The following GPC6 variants were observed in gnomAD, a reference collection of about 807,000 sequenced individuals.
GPC6 encodes glypican 6.
GPC6 carries 14 observed loss-of-function variants against 55.2 expected under a neutral mutation model. The observed-to-expected ratio is 0.25, with a 90% CI of 0.17 to 0.40. The LOEUF is 0.40. Ranked by LOEUF, GPC6 falls within the 10% of genes least tolerant of loss-of-function variation. GPC6 has a pLI of 1.00. For missense variants in GPC6, 641 were observed against 708.5 expected (o/e 0.90, Z 1.08); for synonymous variants, 278 against 259.6 (o/e 1.07, Z -0.68).
At chr13:94,034,248 G>GGAAGGAAGGAAGGAAGGAAGGAAGGAAA (rs1371545784) in intron 4 of GPC6, among the ~76,000 whole-genome samples, 18 of 92,756 alleles carry the variant, frequency 1.9e-4, no homozygotes, top group African/African-American at 4.9e-4. Flanking sequence ...AAGGAAGGAA[G>GGAAGGAAGGAAGGAAGGAAGGAAGGAAA]GAAAGAAAGA....
At chr13:93,225,420 CTG>C (rs550762570), upstream of GPC6, among the ~76,000 whole-genome samples, 5 of 152,082 alleles carry the variant, frequency 3.3e-5, no homozygotes, top group Non-Finnish European at 7.4e-5. Flanking sequence ...AAGCAAAAAA[CTG>C]TGCTAAAATT....
intron 1 of GPC6, among the ~76,000 whole-genome samples, chr13:93,450,999 A>G (rs566774707): frequency 2.0e-5 from 3 of 152,350 alleles, no homozygotes; most frequent in East Asian, 1.9e-4. Flanking sequence ...ATGGTGGTCT[A>G]TAACAGGATA....
At chr13:94,285,704 T>C (rs1443263121) in intron 4 of GPC6, among the ~76,000 whole-genome samples, 2 of 152,216 alleles carry the variant, frequency 1.3e-5, no homozygotes, top group African/African-American at 4.8e-5. Context: ...ACTGAGTTCA[T>C]TTCAGTTCAG....
At chr13:93,780,594 TACACACACAC>T (rs35134947) in intron 2 of GPC6, among the ~76,000 whole-genome samples, 6 of 143,930 alleles carry the variant, frequency 4.2e-5, no homozygotes, top group East Asian at 4.1e-4. Flanking sequence ...ATCACAAAAA[TACACACACAC>T]ACACACACAC....
chr13:94,114,096 C>CAAAAAAA (rs10581935), intron 4 of GPC6, among the ~76,000 whole-genome samples: 1 of 34,366 alleles, frequency 2.9e-5, no homozygotes, highest in African/African-American at 1.1e-4. Flanking sequence ...TTAGCTTTAT[C>CAAAAAAA]AAAAAAAAAA....
intron 4 of GPC6, among the ~76,000 whole-genome samples, chr13:94,076,988 T>C (rs1201457061): frequency 6.7e-6 from 1 of 150,140 alleles, no homozygotes; most frequent in Non-Finnish European, 1.5e-5. Context: ...TGTGGCTTTA[T>C]ATGAATTTTA....
intron 4 of GPC6, among the ~76,000 whole-genome samples, chr13:94,137,480 C>G (rs531799173): frequency 1.3e-5 from 2 of 152,252 alleles, no homozygotes; most frequent in South Asian, 4.1e-4. Flanking sequence ...AGGGTCTGAG[C>G]TGAGCCTTAA....
intron 4 of GPC6, among the ~76,000 whole-genome samples, chr13:94,209,967 C>G (rs1890027280): frequency 6.6e-6 from 1 of 152,066 alleles, no homozygotes; most frequent in Non-Finnish European, 1.5e-5. Flanking sequence ...CCCACCTCAG[C>G]CTCCTGAGTA....
At chr13:93,362,676 T>C (rs756618489) in intron 1 of GPC6, among the ~76,000 whole-genome samples, 2 of 140,014 alleles carry the variant, frequency 1.4e-5, no homozygotes, top group Non-Finnish European at 3.0e-5. Context: ...GACTTACTGA[T>C]AATAAAAAAA....
intron 6 of GPC6, among the ~76,000 whole-genome samples, chr13:94,328,368 C>G (rs962833373): frequency 1.3e-5 from 2 of 152,234 alleles, no homozygotes; most frequent in African/African-American, 2.4e-5. Context: ...AATGACTACT[C>G]TTAATTAGAC....
chr13:94,269,686 C>A (rs1225765251), intron 4 of GPC6, among the ~76,000 whole-genome samples: 1 of 152,072 alleles, frequency 6.6e-6, no homozygotes, highest in African/African-American at 2.4e-5. Flanking sequence ...ACTTTTGTCC[C>A]CAACCTGAGC....
intron 2 of GPC6, among the ~76,000 whole-genome samples, chr13:93,581,098 A>G (rs980620174): frequency 1.3e-5 from 2 of 152,212 alleles, no homozygotes; most frequent in Non-Finnish European, 2.9e-5. Context: ...TCACTTCTAA[A>G]AGACATTTTG....
chr13:93,412,151 T>G (rs1190383376), intron 1 of GPC6, among the ~76,000 whole-genome samples: 1 of 152,152 alleles, frequency 6.6e-6, no homozygotes, highest in African/African-American at 2.4e-5. Flanking sequence ...AAATAATAAG[T>G]GGAGAGGACT....
At chr13:93,350,461 A>G (rs1880594599) in intron 1 of GPC6, among the ~76,000 whole-genome samples, 1 of 152,140 alleles carries the variant, frequency 6.6e-6, no homozygotes, top group African/African-American at 2.4e-5. Context: ...AAATTCTTAA[A>G]TGTCTTAGTA....
chr13:93,431,751 C>A (rs17189012), intron 1 of GPC6, among the ~76,000 whole-genome samples: 1 of 151,852 alleles, frequency 6.6e-6, no homozygotes, highest in South Asian at 2.1e-4. Context: ...AAATTTGGCA[C>A]GCAGAAAAAG....
At chr13:94,333,301 C>G (rs1347067634) in intron 6 of GPC6, among the ~76,000 whole-genome samples, 6 of 152,348 alleles carry the variant, frequency 3.9e-5, no homozygotes, top group African/African-American at 9.6e-5. Flanking sequence ...GGCCATAAAT[C>G]TCACTAATGG....
intron 3 of GPC6, among the ~76,000 whole-genome samples, chr13:93,887,889 G>T (rs1180331067): frequency 2.0e-5 from 3 of 152,018 alleles, no homozygotes; most frequent in African/African-American, 4.8e-5. Flanking sequence ...AACATAATTA[G>T]ATCTGACCAC....
chr13:93,468,842 T>C (rs1879007630), intron 1 of GPC6, among the ~76,000 whole-genome samples: 1 of 152,226 alleles, frequency 6.6e-6, no homozygotes, highest in Admixed American at 6.5e-5. Flanking sequence ...TGTTATAATT[T>C]GTCAAAGTAA....
At chr13:94,312,750 A>AC (rs1430371805) in intron 6 of GPC6, among the ~76,000 whole-genome samples, 5 of 151,868 alleles carry the variant, frequency 3.3e-5, no homozygotes, top group African/African-American at 7.3e-5. Context: ...ACATGCACTC[A>AC]CCCTCAGTCT....
Sources: gnomAD v4.1 joint callset for allele counts (sites outside exome capture counted in the v4.1 genomes callset) on GRCh38, gnomAD v4.1.1 for gene constraint, MANE v1.5 for transcripts, NCBI Gene and HGNC (gene_info 2026-07-23, HGNC 2026-07-21) for gene names.